The following NTMT2 variants were observed in gnomAD, a reference collection of about 807,000 sequenced individuals.
The protein encoded by NTMT2 is X-Pro-Lys N-terminal protein methyltransferase 1B.
In NTMT2, 21 loss-of-function variants were observed where a neutral mutation model predicts 23.4. The observed-to-expected ratio is 0.90, with a 90% CI of 0.64 to 1.29. NTMT2 has a LOEUF of 1.29. Ranked by LOEUF, NTMT2 falls within the 50% of genes most tolerant of loss-of-function variation. The pLI, the probability that NTMT2 is intolerant of heterozygous loss-of-function variation, is 0.00. For synonymous variants in NTMT2, 131 were observed against 127.7 expected (o/e 1.03, Z -0.17); for missense variants, 336 against 352.0 (o/e 0.95, Z 0.36).
At chr1:170,165,445 C>A (rs1673361776) in intron 2 of NTMT2, among the ~76,000 whole-genome samples, 1 of 152,088 alleles carries the variant, frequency 6.6e-6, no homozygotes, top group South Asian at 2.1e-4. Flanking sequence ...TTAAAAGACA[C>A]AAGGAAACTT....
chr1:170,160,543 A>G lies in NTMT2; in HGVS notation c.180A>G (p.Gln60=). The change falls in exon 2 of 4, where the codon CAA becomes CAG. Residue 60 remains glutamine (Q), a synonymous_variant. Transcript: ENST00000439373. The part of the protein sequence containing the change: ...PLVKLYALTS[Q]VINGEMQFYA... ...TGAAATTGTACGCTTTAACAAGCCA[A>G]GTCATCAATGGTGAGATGCAGTTCT... 1.3e-6 allele frequency: 2 copies of G among 1,542,702 alleles called. No homozygotes were observed. Among genetic ancestry groups the G allele is most frequent in the South Asian group, 1.2e-5 (1 of 81,474 alleles).
chr1:170,160,197 G>C (rs563585902), intron 1 of NTMT2, among the ~76,000 whole-genome samples: 1 of 152,162 alleles, frequency 6.6e-6, no homozygotes, highest in Non-Finnish European at 1.5e-5. Context: ...CATTATTGTA[G>C]CTAACACTGT....
At position 170,148,372 on chromosome 1, in the gene NTMT2, T is replaced by C. The variant is rs1250588379; in HGVS notation, c.154+2111T>C. Among the ~76,000 whole-genome samples, 6 of 151,840 alleles carry C rather than the reference T, an allele frequency of 4.0e-5. No homozygotes were observed. In the East Asian group the frequency reaches 7.7e-4, roughly 20 times the overall value. On this transcript the variant is annotated intron_variant, in intron 1 of 3. Transcript: ENST00000439373. ...TTCACCGTATTAGCCAGGATGGTCTTGATCTCCTGACCTCGTGATCCGCCC... is the reference window on the plus strand; with the variant it reads ...TTCACCGTATTAGCCAGGATGGTCTCGATCTCCTGACCTCGTGATCCGCCC...
Position 170,160,688 on chromosome 1 carries a change from G to T in NTMT2, c.325G>T (p.Val109Phe), listed in dbSNP as rs896510352. The T allele has an allele frequency of 3.9e-6, 6 of 1,523,994 alleles. No individual in the cohort carries two copies. Among genetic ancestry groups the T allele is most frequent in the Non-Finnish European group, 5.3e-6 (6 of 1,138,392 alleles). The allele number at this position is 1,523,994 out of a possible 1,614,324, so 94.4% of individuals were successfully genotyped here. The change falls in exon 2 of 4, where the codon GTT becomes TTT. Residue 109 changes from valine (V) to phenylalanine (F), a missense_variant. Transcript: ENST00000439373. ...CTCTCAGAAATTTCTTAGGAAATTT[G>T]TTGGGGTGAGTTATTCAACTGCAGC... ...QASQKFLRKF[V>F]GGPGRAGTDC...
intron 1 of NTMT2, among the ~76,000 whole-genome samples, chr1:170,153,672 G>A (rs1486148974): frequency 1.3e-5 from 2 of 152,354 alleles, no homozygotes; most frequent in East Asian, 3.9e-4. Context: ...GCAAGATGTG[G>A]CCTGGCTGCT....
At chr1:170,153,795 A>G (rs1405894648) in intron 1 of NTMT2, among the ~76,000 whole-genome samples, 1 of 152,246 alleles carries the variant, frequency 6.6e-6, no homozygotes, top group African/African-American at 2.4e-5. Context: ...CATGTGGCAA[A>G]GAAAGCTTTT....
intron 1 of NTMT2, among the ~76,000 whole-genome samples, chr1:170,151,172 T>C (rs1190427114): frequency 1.3e-5 from 2 of 152,066 alleles, no homozygotes; most frequent in Non-Finnish European, 1.5e-5. Flanking sequence ...TTCTTTTCTA[T>C]GTGATATTAA....
At chr1:170,159,221 T>A (rs1238888778) in intron 1 of NTMT2, among the ~76,000 whole-genome samples, 1 of 152,130 alleles carries the variant, frequency 6.6e-6, no homozygotes, top group Non-Finnish European at 1.5e-5. Context: ...GTCTTATATA[T>A]GTGAAAATGA....
At chr1:170,146,463 A>G (rs1672967081) in intron 1 of NTMT2, among the ~76,000 whole-genome samples, 1 of 152,038 alleles carries the variant, frequency 6.6e-6, no homozygotes, top group African/African-American at 2.4e-5. Context: ...TAGAGTCAGG[A>G]CTTTATTTTG....
In NTMT2 at chr1:170,152,473, A is replaced by T. The variant is rs1017971681; in HGVS notation, c.154+6212A>T. 7.2e-5 allele frequency among the ~76,000 whole-genome samples: 11 copies of T among 152,204 alleles called. No individual in the cohort carries two copies. The East Asian group carries it at 2.1e-3, about 29-fold the overall frequency. ...TTGAGAAAGTAGATTGTCTTTCCCC[A>T]ATTTAGAAGTCAGGAAACACTAAAC... On this transcript the variant is annotated intron_variant, in intron 1 of 3. Coordinates refer to ENST00000439373, the MANE Select transcript of NTMT2 (RefSeq NM_001136107.2).
At chr1:170,163,004 G>C (rs539536200) in intron 2 of NTMT2, among the ~76,000 whole-genome samples, 1 of 152,218 alleles carries the variant, frequency 6.6e-6, no homozygotes, top group Non-Finnish European at 1.5e-5. Context: ...CAGAAGCTTA[G>C]TTAGTAATCC....
Position 170,165,020 on chromosome 1 carries a change from T to C in NTMT2, c.331-1482T>C, listed in dbSNP as rs370714062. Among the ~76,000 whole-genome samples the C allele has an allele frequency of 3.9e-5, 6 of 152,194 alleles. No homozygotes were observed. In the South Asian group the frequency reaches 1.2e-3, roughly 32 times the overall value. ...ATTTGGGTGGACTGGAAAGCTGCTT[T>C]TCTGATGTTTCCCTCTGTTTGTATT... On this transcript the variant is annotated intron_variant, in intron 2 of 3. Transcript: ENST00000439373.
intron 1 of NTMT2, among the ~76,000 whole-genome samples, chr1:170,157,689 G>A (rs567228823): frequency 6.6e-6 from 1 of 152,054 alleles, no homozygotes; most frequent in Non-Finnish European, 1.5e-5. Context: ...AGTGAAATAG[G>A]TATTTTTCTC....
rs148108228 is a variant in NTMT2, at chr1:170,165,498, T to C, written c.331-1004T>C. On this transcript the variant is annotated intron_variant, in intron 2 of 3. Transcript: ENST00000439373. ...ATCCATGTGAACTTGCTGTGTGCCATCAGGGCTGTATTTGAAATAAAATTC... is the reference window on the plus strand; with the variant it reads ...ATCCATGTGAACTTGCTGTGTGCCACCAGGGCTGTATTTGAAATAAAATTC... Among the ~76,000 whole-genome samples, 3 of 152,310 alleles carry C rather than the reference T, an allele frequency of 2.0e-5. No individual in the cohort carries two copies. The East Asian group carries it at 5.8e-4, about 29-fold the overall frequency.
At chr1:170,158,133 T>C (rs1368751840) in intron 1 of NTMT2, 2 of 152,126 alleles carry the variant, frequency 1.3e-5, no homozygotes, top group Non-Finnish European at 2.9e-5. Context: ...TATTCTATAA[T>C]AATTTGACTG....
chr1:170,154,043 C>A (rs1673118940), intron 1 of NTMT2, among the ~76,000 whole-genome samples: 1 of 152,118 alleles, frequency 6.6e-6, no homozygotes, highest in African/African-American at 2.4e-5. Flanking sequence ...TCTCCATATC[C>A]CACTCCAGCT....
At chr1:170,167,323 C>T in intron 3 of NTMT2, among the ~76,000 whole-genome samples, 163 bp from the exon 4 acceptor site, 1 of 152,076 alleles carries the variant, frequency 6.6e-6, no homozygotes, top group East Asian at 1.9e-4. Flanking sequence ...GATATGTGTC[C>T]TCTTATCTAA....
intron 2 of NTMT2, 33 bp downstream of exon 2, chr1:170,160,726 C>G: frequency 6.7e-7 from 1 of 1,481,916 alleles, no homozygotes; most frequent in Non-Finnish European, 9.0e-7. Flanking sequence ...GATGAGAAGG[C>G]AAAGTCCTTG....
intron 1 of NTMT2, among the ~76,000 whole-genome samples, chr1:170,151,073 A>G (rs947604528): frequency 6.6e-6 from 1 of 152,172 alleles, no homozygotes; most frequent in Admixed American, 6.5e-5. Flanking sequence ...GCCCAACTTC[A>G]TGTGTAGAAC....
Sources: gnomAD v4.1 joint callset for allele counts (sites outside exome capture counted in the v4.1 genomes callset) on GRCh38, gnomAD v4.1.1 for gene constraint, MANE v1.5 for transcripts, NCBI Gene and HGNC (gene_info 2026-07-23, HGNC 2026-07-21) for gene names.